CNNM4: variants seen among roughly 807,000 people sequenced by gnomAD.
CNNM4 encodes metal transporter CNNM4.
In CNNM4, 32 loss-of-function variants were observed where a neutral mutation model predicts 53.7. The ratio of observed to expected loss-of-function variants is 0.60; its 90% CI spans 0.45 to 0.80. The LOEUF (loss-of-function observed/expected upper bound fraction) is 0.80, where lower values mean the gene tolerates loss of function less well. CNNM4 is among the 30% of genes least tolerant of loss of function. The pLI is 0.00. For missense variants in CNNM4, 784 were observed against 1,022.0 expected (o/e 0.77, Z 3.17); for synonymous variants, 410 against 440.0 (o/e 0.93, Z 0.85).
chr2:96,771,881 C>T (rs1040233078), intron 1 of CNNM4, among the ~76,000 whole-genome samples: 1 of 152,188 alleles, frequency 6.6e-6, no homozygotes, highest in Non-Finnish European at 1.5e-5. Flanking sequence ...CAGTGCTGTG[C>T]GCCTCTGCGG....
At chr2:96,789,265 A>C (rs1157089838) in intron 1 of CNNM4, among the ~76,000 whole-genome samples, 1 of 152,194 alleles carries the variant, frequency 6.6e-6, no homozygotes, top group African/African-American at 2.4e-5. Flanking sequence ...CAACATGGCT[A>C]ACACCCAGGG....
chr2:96,770,310 C>T (rs554238005), intron 1 of CNNM4, among the ~76,000 whole-genome samples: 1 of 152,338 alleles, frequency 6.6e-6, no homozygotes, highest in Admixed American at 6.5e-5. Context: ...CTGGTCAGGA[C>T]GGGAAGCACC....
At chr2:96,793,617 C>A (rs1426510822) in intron 1 of CNNM4, among the ~76,000 whole-genome samples, 1 of 152,168 alleles carries the variant, frequency 6.6e-6, no homozygotes, top group Non-Finnish European at 1.5e-5. Flanking sequence ...GTATCAAGAC[C>A]CTGCTCAGGG....
rs377208148 is a variant in CNNM4, at chr2:96,762,415, T to C, written c.1402+14T>C. 1.2e-6 allele frequency: 2 copies of C among 1,611,812 alleles called. No individual in the cohort carries two copies. Among genetic ancestry groups the C allele is most frequent in the African/African-American group, 2.7e-5 (2 of 74,858 alleles). On this transcript the variant is annotated intron_variant, in intron 1 of 6. Transcript: ENST00000377075. ...AGTTCAAGAAGGGTAAGGCCAGATG[T>C]AGTTCCCCTGGTTCAATTTCCTCTT...
At chr2:96,779,031 A>T (rs1414836638) in intron 1 of CNNM4, among the ~76,000 whole-genome samples, 1 of 151,970 alleles carries the variant, frequency 6.6e-6, no homozygotes, top group Non-Finnish European at 1.5e-5. Context: ...ATTTTGGCTC[A>T]CTGCAAGCTC....
intron 1 of CNNM4, among the ~76,000 whole-genome samples, chr2:96,793,595 G>A (rs2079079775): frequency 6.6e-6 from 1 of 152,196 alleles, no homozygotes; most frequent in Admixed American, 6.5e-5. Flanking sequence ...AGGAGGCGGG[G>A]GGCGGAGAAT....
chr2:96,801,538 A>G lies in CNNM4; in HGVS notation c.1948+1890A>G, dbSNP rs1262444343. Among the ~76,000 whole-genome samples, 1 of 150,316 alleles carries G rather than the reference A, an allele frequency of 6.7e-6. No individual in the cohort carries two copies. The highest frequency in any genetic ancestry group is 1.5e-5 in the Non-Finnish European group (1 of 67,594). ...CCACACACAGAGATAGCACACACAC[A>G]GAGAGACCACACACACACAGAGACC... On this transcript the variant is annotated intron_variant, in intron 5 of 6. Coordinates refer to ENST00000377075, the MANE Select transcript of CNNM4 (RefSeq NM_020184.4). This position sits in a 1 kb window ranked among gnomAD's most constrained non-coding sequence, Gnocchi z 5.6.
At chr2:96,806,631 A>G (rs1022626100) in intron 5 of CNNM4, among the ~76,000 whole-genome samples, 4 of 152,018 alleles carry the variant, frequency 2.6e-5, no homozygotes, top group Admixed American at 6.6e-5. Flanking sequence ...AATTTGTTAG[A>G]ATGGCTAACT....
At chr2:96,771,073 G>T (rs542077550) in intron 1 of CNNM4, among the ~76,000 whole-genome samples, 1 of 152,166 alleles carries the variant, frequency 6.6e-6, no homozygotes, top group Admixed American at 6.5e-5. Context: ...GGAAGCAGCT[G>T]TCTGGCCGGT....
chr2:96,775,326 C>G (rs2078915119), intron 1 of CNNM4, among the ~76,000 whole-genome samples: 1 of 152,124 alleles, frequency 6.6e-6, no homozygotes, highest in South Asian at 2.1e-4. Flanking sequence ...TATATACACA[C>G]TTTTGTGTCT....
rs1251897116 is a variant in CNNM4 at position 96,781,927 on chromosome 2, T to C, written c.1403-15085T>C. Among the ~76,000 whole-genome samples the C allele has an allele frequency of 2.0e-5, 3 of 152,192 alleles. No individual in the cohort carries two copies. The East Asian group carries it at 5.8e-4, about 29-fold the overall frequency. ...CAAGGAAATTCCCTTCTCCCCTTAG[T>C]TTGCTAAGAATTTTTATGATGAATA... On this transcript the variant is annotated intron_variant, in intron 1 of 6. Transcript: ENST00000377075.
At chr2:96,783,067 T>A (rs1158562859) in intron 1 of CNNM4, among the ~76,000 whole-genome samples, 1 of 152,022 alleles carries the variant, frequency 6.6e-6, no homozygotes, top group African/African-American at 2.4e-5. Flanking sequence ...TAAAAAAAAA[T>A]TAATGGTCTC....
At chr2:96,805,442 TATTTTTTTTTA>T (rs2079195318) in intron 5 of CNNM4, among the ~76,000 whole-genome samples, 33 of 134,360 alleles carry the variant, frequency 2.5e-4, no homozygotes, top group African/African-American at 1.0e-3. Flanking sequence ...TTTTTTTTAT[TATTTTTTTTTA>T]AATTTATTTT....
At chr2:96,766,090 T>C (rs987062618) in intron 1 of CNNM4, among the ~76,000 whole-genome samples, 104 of 136,828 alleles carry the variant, frequency 7.6e-4, no homozygotes, top group African/African-American at 2.6e-3. Flanking sequence ...GGCCTTTTTT[T>C]TTTTCTTTTC....
chr2:96,781,320 C>G (rs2078973846), intron 1 of CNNM4, among the ~76,000 whole-genome samples: 1 of 152,000 alleles, frequency 6.6e-6, no homozygotes, highest in Non-Finnish European at 1.5e-5. Context: ...CCTGCCTCAG[C>G]CTCCTGAAGT....
Position 96,810,755 on chromosome 2 carries a change from G to A in CNNM4, c.*1238G>A, listed in dbSNP as rs1278055812. ...TCAGGAGAGGAGGGCTCCTCCTAAA[G>A]GCATGCAGCTTGCAGCCCCTCTTTC... is the stretch of plus-strand genomic sequence containing the variant. On this transcript the variant is annotated 3_prime_UTR_variant, in exon 7 of 7. Transcript: ENST00000377075. This position sits in a 1 kb window ranked among gnomAD's most constrained non-coding sequence, Gnocchi z 4.1. 1 of 152,240 alleles carries A rather than the reference G, an allele frequency of 6.6e-6. No individual in the cohort carries two copies. The highest frequency in any genetic ancestry group is 2.4e-5 in the African/African-American group (1 of 41,438). 9.4% of individuals were successfully genotyped at this position (152,240 alleles called of 1,614,324 possible). A position where few individuals can be genotyped will look rare whatever the true frequency, so the allele number is the denominator to read the frequency against.
At chr2:96,773,568 C>T (rs968178006) in intron 1 of CNNM4, among the ~76,000 whole-genome samples, 1 of 152,034 alleles carries the variant, frequency 6.6e-6, no homozygotes, top group Non-Finnish European at 1.5e-5. Flanking sequence ...AATGGCAAGG[C>T]GCGGTGGCTC....
At chr2:96,770,135 C>T (rs1371842786) in intron 1 of CNNM4, among the ~76,000 whole-genome samples, 2 of 152,216 alleles carry the variant, frequency 1.3e-5, no homozygotes, top group Admixed American at 6.5e-5. Flanking sequence ...AGGACACTCA[C>T]GTGTCTTCAC....
At chr2:96,802,163 C>T (rs1415420469) in intron 5 of CNNM4, among the ~76,000 whole-genome samples, 2 of 151,722 alleles carry the variant, frequency 1.3e-5, no homozygotes, top group African/African-American at 4.8e-5. Flanking sequence ...CACACAGATA[C>T]ACCCATAGAC....
Sources: gnomAD v4.1 joint callset for allele counts (sites outside exome capture counted in the v4.1 genomes callset) on GRCh38, gnomAD v4.1.1 for gene constraint, Gnocchi (gnomAD v3.1) non-coding constraint, MANE v1.5 for transcripts, NCBI Gene and HGNC (gene_info 2026-07-23, HGNC 2026-07-21) for gene names.